The following TICAM2 variants were observed in gnomAD, a reference collection of about 807,000 sequenced individuals.
The protein encoded by TICAM2 is TIR domain-containing adapter molecule 2.
A neutral mutation model predicts 7.3 loss-of-function variants in TICAM2; 8 were observed. That is an observed-to-expected ratio of 1.10 (90% confidence interval 0.65 to 1.99). The LOEUF (loss-of-function observed/expected upper bound fraction) is 1.99, where lower values mean the gene tolerates loss of function less well. Ranked by LOEUF, TICAM2 falls within the 30% of genes most tolerant of loss-of-function variation. TICAM2 has a pLI of 0.00. For missense variants in TICAM2, 304 were observed against 278.8 expected (o/e 1.09, Z -0.65); for synonymous variants, 113 against 99.6 (o/e 1.13, Z -0.80).
rs926643352 is a variant in TICAM2, at chr5:115,581,044, T to G, written c.213A>C (p.Glu71Asp). The G allele has an allele frequency of 5.0e-6, 8 of 1,614,220 alleles. No individual in the cohort carries two copies. In the Admixed American group the frequency reaches 1.3e-4, roughly 27 times the overall value. ...GAQSVEEMFE[E>D]EAEEEVFLKF... The stretch of plus-strand genomic sequence containing the variant: ...TGAGGAACACCTCTTCTTCAGCTTC[T>G]TCTTCAAACATCTCTTCCACGCTCT... The change falls in exon 2 of 2, where the codon GAA becomes GAC. Residue 71 changes from glutamate to aspartate, a missense_variant. By Grantham distance (45) the Glu-to-Asp change is conservative. Transcript: ENST00000427199.
chr5:115,586,219 T>A (rs922593740), intron 1 of TICAM2, among the ~76,000 whole-genome samples: 1 of 152,224 alleles, frequency 6.6e-6, no homozygotes, highest in Non-Finnish European at 1.5e-5. Context: ...GGTGGAGTTA[T>A]TGTTGTCATT....
chr5:115,593,340 A>G (rs1755381334), intron 1 of TICAM2, among the ~76,000 whole-genome samples: 1 of 152,180 alleles, frequency 6.6e-6, no homozygotes, highest in African/African-American at 2.4e-5. Flanking sequence ...TGGATATAAT[A>G]AGATCAACAT....
At chr5:115,594,364 T>C (rs552341435) in intron 1 of TICAM2, among the ~76,000 whole-genome samples, 2 of 152,226 alleles carry the variant, frequency 1.3e-5, no homozygotes, top group Non-Finnish European at 2.9e-5. Context: ...TCCTATGCAA[T>C]ACAATTCATG....
chr5:115,594,745 T>C (rs1483606646), intron 1 of TICAM2, among the ~76,000 whole-genome samples: 1 of 152,194 alleles, frequency 6.6e-6, no homozygotes, highest in Non-Finnish European at 1.5e-5. Flanking sequence ...AAAAAGAGGA[T>C]ACAAATAGCA....
At position 115,579,051 on chromosome 5, in the gene TICAM2, T is replaced by C. The variant is rs1181173578; in HGVS notation, c.*1498A>G. ...ATAAGAAAAAAGAAATTAAGCAAAA[T>C]GTCTTTACTCAAGGATCTCTATAAA... On this transcript the variant is annotated 3_prime_UTR_variant, in exon 2 of 2. Transcript: ENST00000427199. The C allele has an allele frequency of 6.6e-6, 1 of 152,562 alleles. No individual in the cohort carries two copies. The highest frequency in any genetic ancestry group is 2.4e-5 in the African/African-American group (1 of 41,432). The allele number at this position is 152,562 out of a possible 1,614,324, so 9.5% of individuals were successfully genotyped here.
At chr5:115,594,814 C>T (rs758286014) in intron 1 of TICAM2, among the ~76,000 whole-genome samples, 1 of 152,182 alleles carries the variant, frequency 6.6e-6, no homozygotes, top group Non-Finnish European at 1.5e-5. Context: ...AATACCCTTG[C>T]AGCCTGGGAG....
rs555530774 is a variant in TICAM2, at chr5:115,594,404, A to T, written c.-60+7693T>A. 6.6e-5 allele frequency among the ~76,000 whole-genome samples: 10 copies of T among 152,346 alleles called. No individual in the cohort carries two copies. In the South Asian group the frequency reaches 1.4e-3, roughly 22 times the overall value. On this transcript the variant is annotated intron_variant, in intron 1 of 1. Transcript: ENST00000427199. ...CACTGTTTGTCTTAGATGTCTTTTT[A>T]TACTTTTAAATAAATAAATGTATGT...
intron 1 of TICAM2, among the ~76,000 whole-genome samples, chr5:115,589,035 C>A (rs1755211423): frequency 6.6e-6 from 1 of 152,204 alleles, no homozygotes; most frequent in Admixed American, 6.5e-5. Flanking sequence ...CTGTTGTCCA[C>A]AACTAAACTG....
rs1477933238 is a variant in TICAM2 at position 115,579,731 on chromosome 5, CTT to C, written c.*816_*817del. ...AGAAGAGAATTGTGTGTGACGGAAA[CTT>C]TTAAAGCTTCCATAAGAGAGGTTTT... On this transcript the variant is annotated 3_prime_UTR_variant, in exon 2 of 2. Coordinates refer to ENST00000427199, the MANE Select transcript of TICAM2 (RefSeq NM_021649.7). The C allele has an allele frequency of 6.6e-6, 1 of 152,172 alleles. No homozygotes were observed. 9.4% of individuals were successfully genotyped at this position (152,172 alleles called of 1,614,324 possible). A position where few individuals can be genotyped will look rare whatever the true frequency, so the allele number is the denominator to read the frequency against.
At position 115,580,701 on chromosome 5, in the gene TICAM2, G is replaced by T; in HGVS notation, c.556C>A (p.Pro186Thr). The change falls in exon 2 of 2, where the codon CCC becomes ACC. Residue 186 changes from proline to threonine, a missense_variant. By Grantham distance (38) the Pro-to-Thr change is conservative. Transcript: ENST00000427199. ...LNNPLPRERT[P>T]FALQTINALE... ...GCATTGATGGTTTGGAGGGCAAAGG[G>T]AGTCCTTTCTCGGGGAAGGGGATTG... 6.3e-7 allele frequency: 1 copy of T among 1,597,532 alleles called. No individual in the cohort carries two copies. Among genetic ancestry groups the T allele is most frequent in the Middle Eastern group, 1.7e-4 (1 of 5,918 alleles).
At position 115,579,165 on chromosome 5, in the gene TICAM2, G is replaced by A. The variant is rs1754826995; in HGVS notation, c.*1384C>T. On this transcript the variant is annotated 3_prime_UTR_variant, in exon 2 of 2. Coordinates refer to ENST00000427199, the MANE Select transcript of TICAM2 (RefSeq NM_021649.7). The stretch of plus-strand genomic sequence containing the variant: ...GACAGCATTAAAAATAAATTATGCT[G>A]TCAATATACAAAAAATATCTTTTCA... The A allele has an allele frequency of 6.6e-6, 1 of 152,538 alleles. No individual in the cohort carries two copies. The highest frequency in any genetic ancestry group is 2.1e-4 in the South Asian group (1 of 4,830). 9.4% of individuals were successfully genotyped at this position (152,538 alleles called of 1,614,324 possible).
chr5:115,580,423 C>T lies in TICAM2; in HGVS notation c.*126G>A. 1 of 1,205,058 alleles carries T rather than the reference C, an allele frequency of 8.3e-7. No homozygotes were observed. Among genetic ancestry groups the T allele is most frequent in the Non-Finnish European group, 1.1e-6 (1 of 922,768 alleles). 74.6% of individuals were successfully genotyped at this position (1,205,058 alleles called of 1,614,324 possible). ...CCTGCAGAAATTTATCTTTCTTGTGCTCCATAGGTTTCTTTAAGGTGAAGA... is the reference window on the plus strand; with the variant it reads ...CCTGCAGAAATTTATCTTTCTTGTGTTCCATAGGTTTCTTTAAGGTGAAGA... On this transcript the variant is annotated 3_prime_UTR_variant, in exon 2 of 2. Coordinates refer to ENST00000427199, the MANE Select transcript of TICAM2 (RefSeq NM_021649.7).
At chr5:115,581,383 T>A (rs761281322) in intron 1 of TICAM2, 68 bp from the exon 2 acceptor site, 4 of 1,479,196 alleles carry the variant, frequency 2.7e-6, no homozygotes, top group Non-Finnish European at 3.6e-6. Context: ...GAAACTTTCA[T>A]TCAAACTGAA....
rs1580401503 is a variant in TICAM2 at position 115,579,674 on chromosome 5, A to C, written c.*875T>G. The C allele has an allele frequency of 6.6e-6, 1 of 152,328 alleles. No homozygotes were observed. Among genetic ancestry groups the C allele is most frequent in the South Asian group, 2.1e-4 (1 of 4,832 alleles). The allele number at this position is 152,328 out of a possible 1,614,324, so 9.4% of individuals were successfully genotyped here. A position where few individuals can be genotyped will look rare whatever the true frequency, so the allele number is the denominator to read the frequency against. On this transcript the variant is annotated 3_prime_UTR_variant, in exon 2 of 2. Transcript: ENST00000427199. ...ACACACACATGCACACAGTCAGGCT[A>C]CTTTGAAGACCTAAATGAGAAATAC...
rs115664780 is a variant in TICAM2, at chr5:115,596,286, C to G, written c.-60+5811G>C. Among the ~76,000 whole-genome samples, 488 of 152,324 alleles carry G rather than the reference C, an allele frequency of 3.2e-3. 2 individuals carry two copies. Among genetic ancestry groups the G allele is most frequent in the African/African-American group, 9.6e-3 (401 of 41,562 alleles). ...CAATCAGTCTAATCCATTCTCCACTCAACAGCCAGGATGATCTTTCAAAAC... is the reference window on the plus strand; with the variant it reads ...CAATCAGTCTAATCCATTCTCCACTGAACAGCCAGGATGATCTTTCAAAAC... On this transcript the variant is annotated intron_variant, in intron 1 of 1. Coordinates refer to ENST00000427199, the MANE Select transcript of TICAM2 (RefSeq NM_021649.7).
chr5:115,602,018 A>G (rs1332836339), intron 1 of TICAM2, 79 bp downstream of exon 1: 1 of 151,454 alleles, frequency 6.6e-6, no homozygotes, highest in East Asian at 1.9e-4. Context: ...CCCCCAGACC[A>G]CCCCGCGCCC....
At chr5:115,600,978 AAC>A (rs1298268741) in intron 1 of TICAM2, among the ~76,000 whole-genome samples, 1 of 152,246 alleles carries the variant, frequency 6.6e-6, no homozygotes, top group East Asian at 1.9e-4. Flanking sequence ...CCCATGATTC[AAC>A]AGTGTAAACA....
rs555079803 is a variant in TICAM2, at chr5:115,590,722, T to C, written c.-59-9407A>G. On this transcript the variant is annotated intron_variant, in intron 1 of 1. Coordinates refer to ENST00000427199, the MANE Select transcript of TICAM2 (RefSeq NM_021649.7). Reference sequence around the variant, plus strand: ...CCTGCTTTTACTTGCATGTCGTACTTATTTAATATCTTTCCCTTTAGAACT... The same window carrying C: ...CCTGCTTTTACTTGCATGTCGTACTCATTTAATATCTTTCCCTTTAGAACT... 1.4e-4 allele frequency among the ~76,000 whole-genome samples: 21 copies of C among 152,346 alleles called. No individual in the cohort carries two copies. The East Asian group carries it at 3.7e-3, about 27-fold the overall frequency.
intron 1 of TICAM2, among the ~76,000 whole-genome samples, chr5:115,600,716 AG>A (rs2112527380): frequency 6.6e-6 from 1 of 152,318 alleles, no homozygotes; most frequent in African/African-American, 2.4e-5. Context: ...AGGACCATGC[AG>A]GGGGTAATGG....
Sources: allele counts gnomAD v4.1 joint callset (sites outside exome capture counted in the v4.1 genomes callset), GRCh38; gene constraint gnomAD v4.1.1; transcripts MANE v1.5; gene names NCBI Gene and HGNC (gene_info 2026-07-23, HGNC 2026-07-21).